The following NRXN1 variants were observed in gnomAD, a reference collection of about 807,000 sequenced individuals.
The protein encoded by NRXN1 is neurexin-1.
NRXN1 carries 39 observed loss-of-function variants against 150.9 expected under a neutral mutation model. That is an observed-to-expected ratio of 0.26 (90% CI 0.20 to 0.34). The LOEUF is 0.34. NRXN1 is among the 10% of genes least tolerant of loss of function. NRXN1 has a pLI of 1.00. For synonymous variants in NRXN1, 924 were observed against 757.0 expected (o/e 1.22, Z -3.62); for missense variants, 1,815 against 1,949.9 (o/e 0.93, Z 1.30).
At chr2:50,294,851 C>T (rs1196100264) in intron 17 of NRXN1, among the ~76,000 whole-genome samples, 2 of 152,098 alleles carry the variant, frequency 1.3e-5, no homozygotes, top group African/African-American at 2.4e-5. Context: ...ACTAAACTCT[C>T]CTGGGAAAGT....
chr2:50,550,606 G>A (rs982171217), intron 9 of NRXN1, among the ~76,000 whole-genome samples: 1 of 151,502 alleles, frequency 6.6e-6, no homozygotes, highest in South Asian at 2.1e-4. Flanking sequence ...GAAGTCAGAG[G>A]GGAACACTCT....
chr2:50,357,582 A>T (rs1334766642), intron 17 of NRXN1, among the ~76,000 whole-genome samples: 1 of 152,172 alleles, frequency 6.6e-6, no homozygotes, highest in Non-Finnish European at 1.5e-5. Context: ...TGCTGGGATT[A>T]CAGGCATGAG....
At chr2:50,920,416 ATTATT>A (rs1685841927) in intron 5 of NRXN1, among the ~76,000 whole-genome samples, 1 of 151,820 alleles carries the variant, frequency 6.6e-6, no homozygotes, top group Non-Finnish European at 1.5e-5. Flanking sequence ...TAATTAAAAA[ATTATT>A]TTAAGAGTTA....
At chr2:50,912,275 T>C (rs1333908960) in intron 5 of NRXN1, 1 of 151,812 alleles carries the variant, frequency 6.6e-6, no homozygotes, top group Admixed American at 6.6e-5. Flanking sequence ...AATCCTCTGT[T>C]AAGTTCCTTG....
At chr2:50,840,361 TTA>T (rs1672690745) in intron 5 of NRXN1, among the ~76,000 whole-genome samples, 1 of 152,158 alleles carries the variant, frequency 6.6e-6, no homozygotes, top group South Asian at 2.1e-4. Flanking sequence ...AAAGATACAC[TTA>T]TGATTAACAT....
chr2:50,251,910 T>C (rs1322717234), intron 17 of NRXN1, among the ~76,000 whole-genome samples: 1 of 152,180 alleles, frequency 6.6e-6, no homozygotes, highest in Non-Finnish European at 1.5e-5. Context: ...TTTGCCCAGG[T>C]TCCTTGTAGA....
At chr2:50,054,385 G>A (rs1216481217) in intron 20 of NRXN1, among the ~76,000 whole-genome samples, 3 of 152,072 alleles carry the variant, frequency 2.0e-5, no homozygotes, top group African/African-American at 4.8e-5. Context: ...TCCAGTTTTA[G>A]CAGATTGCTC....
chr2:50,028,390 CTT>C (rs1361924176), intron 21 of NRXN1, among the ~76,000 whole-genome samples: 1 of 152,114 alleles, frequency 6.6e-6, no homozygotes, highest in Non-Finnish European at 1.5e-5. Flanking sequence ...ATAATAATGT[CTT>C]TTTTTACACT....
intron 18 of NRXN1, among the ~76,000 whole-genome samples, chr2:50,115,706 G>C (rs1233850168): frequency 6.6e-6 from 1 of 151,994 alleles, no homozygotes; most frequent in Non-Finnish European, 1.5e-5. Context: ...CCAGGTGGGA[G>C]AAGTCTGATT....
At chr2:50,592,863 A>C (rs1674516468) in intron 8 of NRXN1, among the ~76,000 whole-genome samples, 1 of 152,238 alleles carries the variant, frequency 6.6e-6, no homozygotes, top group African/African-American at 2.4e-5. Context: ...GCAGAGAACA[A>C]AACTTGCATT....
chr2:50,996,940 T>A (rs1370812437), intron 2 of NRXN1, among the ~76,000 whole-genome samples: 1 of 152,008 alleles, frequency 6.6e-6, no homozygotes, highest in Non-Finnish European at 1.5e-5. Context: ...AGTGGTGGAA[T>A]CCCTCTTTGT....
chr2:50,804,492 C>G (rs62140601), intron 5 of NRXN1, among the ~76,000 whole-genome samples: 24,400 of 152,146 alleles, frequency 0.16, 2,482 homozygotes, highest in Non-Finnish European at 0.22. Flanking sequence ...AGTTGAGTCT[C>G]TCAGACTCCA....
At chr2:50,084,746 A>T (rs1207357147) in intron 19 of NRXN1, among the ~76,000 whole-genome samples, 1 of 152,174 alleles carries the variant, frequency 6.6e-6, no homozygotes, top group Non-Finnish European at 1.5e-5. Context: ...GGCTGCTAGC[A>T]CGCTGTCACC....
chr2:50,357,539 C>T (rs1301450404), intron 17 of NRXN1, among the ~76,000 whole-genome samples: 1 of 152,090 alleles, frequency 6.6e-6, no homozygotes, highest in African/African-American at 2.4e-5. Flanking sequence ...AACTCCCAAC[C>T]TCAGGTGATC....
intron 17 of NRXN1, among the ~76,000 whole-genome samples, chr2:50,359,447 A>C (rs1287233313): frequency 6.6e-6 from 1 of 151,776 alleles, no homozygotes; most frequent in Non-Finnish European, 1.5e-5. Context: ...AGAGCACGAG[A>C]ACTTCGTGAA....
At chr2:50,783,606 T>TTC (rs1284444507) in intron 5 of NRXN1, among the ~76,000 whole-genome samples, 1 of 152,172 alleles carries the variant, frequency 6.6e-6, no homozygotes, top group Non-Finnish European at 1.5e-5. Flanking sequence ...TGGAAAGGCA[T>TTC]TCTCTATCTT....
chr2:50,385,462 TC>T (rs1233658505), intron 17 of NRXN1, among the ~76,000 whole-genome samples: 7 of 152,188 alleles, frequency 4.6e-5, no homozygotes, highest in Non-Finnish European at 1.0e-4. Context: ...CTTAGTGACT[TC>T]TACATTAAGC....
chr2:50,540,962 A>T (rs767522793), intron 9 of NRXN1, among the ~76,000 whole-genome samples: 1 of 152,050 alleles, frequency 6.6e-6, no homozygotes, highest in South Asian at 2.1e-4. Flanking sequence ...ACACCCAGCC[A>T]AAGTGACATG....
At chr2:50,854,174 G>A (rs1422306848) in intron 5 of NRXN1, among the ~76,000 whole-genome samples, 3 of 151,896 alleles carry the variant, frequency 2.0e-5, no homozygotes, top group South Asian at 4.1e-4. Context: ...TGAGACCTGG[G>A]AGCTTATTAT....
Sources: allele counts gnomAD v4.1 joint callset (sites outside exome capture counted in the v4.1 genomes callset), GRCh38; gene constraint gnomAD v4.1.1; transcripts MANE v1.5; gene names NCBI Gene and HGNC (gene_info 2026-07-23, HGNC 2026-07-21).